The following TMEM184C variants were observed in gnomAD, a reference collection of about 807,000 sequenced individuals.
The protein encoded by TMEM184C is transmembrane protein 34.
TMEM184C carries 25 observed loss-of-function variants against 54.5 expected under a neutral mutation model. The observed-to-expected ratio is 0.46, with a 90% CI of 0.33 to 0.64. TMEM184C has a LOEUF of 0.64. TMEM184C is among the 30% of genes least tolerant of loss of function. The pLI is 0.02. For missense variants in TMEM184C, 335 were observed against 520.3 expected, an observed-to-expected ratio of 0.64 and a Z score of 3.46; for synonymous variants, 148 against 181.5, an observed-to-expected ratio of 0.82 and a Z score of 1.49.
intron 1 of TMEM184C, among the ~76,000 whole-genome samples, chr4:147,620,739 A>T (rs1448334763): frequency 1.3e-5 from 2 of 152,252 alleles, no homozygotes; most frequent in African/African-American, 2.4e-5. Context: ...TTTTGTTTGA[A>T]CAACTGTGTA....
chr4:147,626,685 A>C (rs1732820944), intron 4 of TMEM184C, among the ~76,000 whole-genome samples: 1 of 152,244 alleles, frequency 6.6e-6, no homozygotes, highest in Non-Finnish European at 1.5e-5. Context: ...AGTACGTGCT[A>C]GTATAAAGAA....
intron 4 of TMEM184C, among the ~76,000 whole-genome samples, chr4:147,628,154 A>G (rs72947812): frequency 0.025 from 3,866 of 152,334 alleles, 172 homozygotes; most frequent in African/African-American, 0.088. Flanking sequence ...ATAAGATCCT[A>G]TATCTCAAAA....
In TMEM184C at chr4:147,635,490, C is replaced by G. The variant is rs2126556818; in HGVS notation, c.*1056C>G. The stretch of plus-strand genomic sequence containing the variant: ...GTTTCTCTAATTGCTAATCACAACC[C>G]CACTGGGTCATGTTTGACATTTTAT... On this transcript the variant is annotated 3_prime_UTR_variant, in exon 10 of 10. Coordinates refer to ENST00000296582, the MANE Select transcript of TMEM184C (RefSeq NM_018241.3). The G allele has an allele frequency of 6.6e-6, 1 of 152,200 alleles. No homozygotes were observed. Among genetic ancestry groups the G allele is most frequent in the Middle Eastern group, 3.4e-3 (1 of 294 alleles). The allele number at this position is 152,200 out of a possible 1,614,324, so 9.4% of individuals were successfully genotyped here.
intron 6 of TMEM184C, among the ~76,000 whole-genome samples, chr4:147,631,148 G>A (rs1206336627): frequency 1.3e-5 from 2 of 152,008 alleles, no homozygotes; most frequent in Non-Finnish European, 2.9e-5. Context: ...TCAATCATTT[G>A]TTTATTGTTC....
chr4:147,627,513 ACCTGCCTCGGCC>A (rs984357462), intron 4 of TMEM184C, among the ~76,000 whole-genome samples: 4 of 152,042 alleles, frequency 2.6e-5, no homozygotes, highest in African/African-American at 9.7e-5. Context: ...CAAGTGATCC[ACCTGCCTCGGCC>A]TCCCACAGTG....
intron 1 of TMEM184C, among the ~76,000 whole-genome samples, chr4:147,619,498 A>G (rs911378651): frequency 2.0e-5 from 3 of 152,148 alleles, no homozygotes; most frequent in Non-Finnish European, 2.9e-5. Flanking sequence ...CCCGGCCCAT[A>G]TAGTTATTTT....
At chr4:147,631,970 G>A (rs1249515360) in intron 7 of TMEM184C, among the ~76,000 whole-genome samples, 1 of 152,028 alleles carries the variant, frequency 6.6e-6, no homozygotes, top group Non-Finnish European at 1.5e-5. Context: ...ACCTGAGGTT[G>A]GGAGTTCCAG....
chr4:147,621,341 GTTTT>G (rs774384674), intron 1 of TMEM184C, among the ~76,000 whole-genome samples: 1 of 151,876 alleles, frequency 6.6e-6, no homozygotes, highest in African/African-American at 2.4e-5. Context: ...GTCTTTAAGG[GTTTT>G]TTCTTTCCTC....
chr4:147,634,084 G>A (rs2126555654), intron 9 of TMEM184C, 85 bp from the exon 10 acceptor site: 1 of 1,532,908 alleles, frequency 6.5e-7, no homozygotes, highest in Non-Finnish European at 8.8e-7. Context: ...GAGTGGGAGA[G>A]GGGGAAGTGG....
chr4:147,617,820 C>T lies in TMEM184C; in HGVS notation c.-137C>T, dbSNP rs1438960356. The T allele has an allele frequency of 2.4e-6, 3 of 1,243,658 alleles. No individual in the cohort carries two copies. The highest frequency in any genetic ancestry group is 3.6e-5 in the Admixed American group (2 of 55,992). The allele number at this position is 1,243,658 out of a possible 1,614,324, so 77.0% of individuals were successfully genotyped here. A position where few individuals can be genotyped will look rare whatever the true frequency, so the allele number is the denominator to read the frequency against. ...CACAGCGCCGGTCCAGGAGGCGGCT[C>T]GAGCTGTTCGTAAAGTCGCCCGACA... On this transcript the variant is annotated 5_prime_UTR_variant, in exon 1 of 10. Coordinates refer to ENST00000296582, the MANE Select transcript of TMEM184C (RefSeq NM_018241.3).
rs778232637 is a variant in TMEM184C, at chr4:147,624,967, A to C, written c.455A>C (p.His152Pro). The C allele has an allele frequency of 6.2e-7, 1 of 1,613,904 alleles. No homozygotes were observed. The highest frequency in any genetic ancestry group is 8.5e-7 in the Non-Finnish European group (1 of 1,179,888). ...CTTGAAGCCAAAGATCAACAGAAAC[A>C]TTTCCCTCCTTTATGTTGCTGTCCA... The part of the protein sequence containing the change: ...LILEAKDQQK[H>P]FPPLCCCPPW... The change falls in exon 4 of 10, where the codon CAT (histidine) becomes CCT (proline). Residue 152 changes from histidine to proline, a missense_variant. His to Pro is a moderately conservative substitution (Grantham distance 77, BLOSUM62 -2). Transcript: ENST00000296582.
chr4:147,625,613 A>C (rs1732800428), intron 4 of TMEM184C, among the ~76,000 whole-genome samples: 1 of 152,246 alleles, frequency 6.6e-6, no homozygotes, highest in Non-Finnish European at 1.5e-5. Flanking sequence ...AATTGGAAGG[A>C]AGAAGATTCC....
intron 7 of TMEM184C, 91 bp from the exon 8 acceptor site, chr4:147,632,812 C>A: frequency 2.8e-6 from 3 of 1,059,066 alleles, no homozygotes; most frequent in Non-Finnish European, 4.2e-6. Context: ...ACACAGGTTG[C>A]ACTGGATTTT....
In TMEM184C at chr4:147,635,123, A is replaced by G. The variant is rs1191248368; in HGVS notation, c.*689A>G. On this transcript the variant is annotated 3_prime_UTR_variant, in exon 10 of 10. Transcript: ENST00000296582. Reference sequence around the variant, plus strand: ...AAAGCATAATGCAGAAATACGAATTAGTGGAACTTAATCATGTGCCATATA... The same window carrying G: ...AAAGCATAATGCAGAAATACGAATTGGTGGAACTTAATCATGTGCCATATA... 2 of 152,232 alleles carry G rather than the reference A, an allele frequency of 1.3e-5. No individual in the cohort carries two copies. Among genetic ancestry groups the G allele is most frequent in the African/African-American group, 4.8e-5 (2 of 41,458 alleles). The allele number at this position is 152,232 out of a possible 1,614,324, so 9.4% of individuals were successfully genotyped here. A position where few individuals can be genotyped will look rare whatever the true frequency, so the allele number is the denominator to read the frequency against.
intron 6 of TMEM184C, among the ~76,000 whole-genome samples, chr4:147,630,311 G>T (rs1262520476): frequency 1.3e-5 from 2 of 151,988 alleles, no homozygotes; most frequent in Non-Finnish European, 2.9e-5. Flanking sequence ...AGATGCAGTG[G>T]TATGCATGGT....
chr4:147,632,757 TAG>T (rs890210685), intron 7 of TMEM184C, 144 bp from the exon 8 acceptor site: 4 of 555,378 alleles, frequency 7.2e-6, no homozygotes, highest in African/African-American at 5.7e-5. Context: ...ATATTTAACA[TAG>T]AGTTTCTTCA....
chr4:147,626,912 G>A (rs1304354515), intron 4 of TMEM184C, among the ~76,000 whole-genome samples: 1 of 152,202 alleles, frequency 6.6e-6, no homozygotes, highest in African/African-American at 2.4e-5. Flanking sequence ...GGACAAATGG[G>A]CATTTATAGC....
At chr4:147,619,177 CTTG>C (rs200028902) in intron 1 of TMEM184C, among the ~76,000 whole-genome samples, 16 of 147,640 alleles carry the variant, frequency 1.1e-4, no homozygotes, top group East Asian at 2.1e-4. Flanking sequence ...CATATACTTA[CTTG>C]TTGTTGTTGT....
chr4:147,624,365 C>G (rs1045594892), intron 3 of TMEM184C, among the ~76,000 whole-genome samples: 1 of 150,004 alleles, frequency 6.7e-6, no homozygotes, highest in Admixed American at 6.6e-5. Context: ...TAATATACTA[C>G]TCTTTTTATT....
Sources: gnomAD v4.1 joint callset for allele counts (sites outside exome capture counted in the v4.1 genomes callset) on GRCh38, gnomAD v4.1.1 for gene constraint, MANE v1.5 for transcripts, NCBI Gene and HGNC (gene_info 2026-07-23, HGNC 2026-07-21) for gene names.